The following FRK variants were observed in gnomAD, a reference collection of about 807,000 sequenced individuals.
FRK encodes the protein fyn related Src family tyrosine kinase, also known as tyrosine-protein kinase FRK.
A neutral mutation model predicts 56.4 loss-of-function variants in FRK; 51 were observed. The ratio of observed to expected loss-of-function variants is 0.90; its 90% CI spans 0.72 to 1.14. The LOEUF (loss-of-function observed/expected upper bound fraction) is 1.14, where lower values mean the gene tolerates loss of function less well. Among genes scored for constraint, FRK ranks in the 50% most tolerant of loss-of-function variants. The pLI, the probability that FRK is intolerant of heterozygous loss-of-function variation, is 0.00. For synonymous variants in FRK, 245 were observed against 217.9 expected, an observed-to-expected ratio of 1.12 and a Z score of -1.10; for missense variants, 570 against 601.4, an observed-to-expected ratio of 0.95 and a Z score of 0.55.
chr6:116,044,888 T>C (rs1776877121), intron 1 of FRK, among the ~76,000 whole-genome samples: 1 of 152,024 alleles, frequency 6.6e-6, no homozygotes, highest in Non-Finnish European at 1.5e-5. Flanking sequence ...CAGCAAAGTG[T>C]CAATACAAAA....
chr6:116,039,943 T>TGTG (rs1776650472), intron 1 of FRK, among the ~76,000 whole-genome samples: 1 of 105,794 alleles, frequency 9.5e-6, no homozygotes, highest in Non-Finnish European at 2.0e-5. Context: ...CACCTGGCAC[T>TGTG]AAAAAAAAAA....
intron 4 of FRK, among the ~76,000 whole-genome samples, chr6:115,965,878 T>C (rs1773543732): frequency 1.3e-5 from 1 of 74,652 alleles, no homozygotes; most frequent in Admixed American, 1.5e-4. Flanking sequence ...GGAAGGGGAA[T>C]ATCACACTCT....
rs141923974 is a variant in FRK, at chr6:115,970,863, T to G, written c.467-2124A>C. Among the ~76,000 whole-genome samples, 49 of 152,294 alleles carry G rather than the reference T, an allele frequency of 3.2e-4. 1 individual carries two copies. In the East Asian group the frequency reaches 6.8e-3, roughly 21 times the overall value. On this transcript the variant is annotated intron_variant, in intron 2 of 7. Coordinates refer to ENST00000606080, the MANE Select transcript of FRK (RefSeq NM_002031.3). ...AGAAGGTCAAGGCTGCAGAGAGTTATGATCGATTGTGCCACTATACTCAAG... is the reference window on the plus strand; with the variant it reads ...AGAAGGTCAAGGCTGCAGAGAGTTAGGATCGATTGTGCCACTATACTCAAG...
chr6:116,078,045 A>C, the FRK span, among the ~76,000 whole-genome samples: 3 of 152,202 alleles, frequency 2.0e-5, no homozygotes, highest in African/African-American at 7.2e-5. Flanking sequence ...CTGTAATCCC[A>C]GCTACTCTGG....
intron 1 of FRK, among the ~76,000 whole-genome samples, chr6:116,036,445 T>C (rs1355226300): frequency 4.6e-5 from 7 of 152,180 alleles, no homozygotes; most frequent in Admixed American, 4.6e-4. Flanking sequence ...AATATAATGT[T>C]ACATTGATAA....
intron 1 of FRK, among the ~76,000 whole-genome samples, chr6:116,037,994 G>A (rs547175313): frequency 2.0e-5 from 3 of 152,280 alleles, no homozygotes; most frequent in African/African-American, 7.2e-5. Context: ...GAAAGCACAG[G>A]GAGCTTGTGT....
At chr6:116,040,830 T>G (rs933252080) in intron 1 of FRK, among the ~76,000 whole-genome samples, 2 of 152,162 alleles carry the variant, frequency 1.3e-5, no homozygotes, top group African/African-American at 4.8e-5. Flanking sequence ...TTAATTATTA[T>G]GCTTTAGAAC....
intron 5 of FRK, among the ~76,000 whole-genome samples, chr6:115,951,479 GC>G (rs1232977140): frequency 6.6e-6 from 1 of 152,050 alleles, no homozygotes; most frequent in African/African-American, 2.4e-5. Flanking sequence ...GGAAAAACAA[GC>G]CAAACTAAAC....
intron 2 of FRK, among the ~76,000 whole-genome samples, chr6:115,973,872 G>GAAAAAAAAAAA (rs34745163): frequency 7.3e-6 from 1 of 137,612 alleles, no homozygotes. Context: ...CACAGTCTCA[G>GAAAAAAAAAAA]AAAAAAAAAA....
chr6:116,001,312 C>A (rs1020848545), intron 2 of FRK, among the ~76,000 whole-genome samples: 4 of 151,658 alleles, frequency 2.6e-5, no homozygotes, highest in Non-Finnish European at 5.9e-5. Flanking sequence ...CATGCACACA[C>A]ATATGTATAT....
intron 2 of FRK, among the ~76,000 whole-genome samples, chr6:115,980,918 C>G (rs1471405623): frequency 6.6e-6 from 1 of 152,090 alleles, no homozygotes; most frequent in Non-Finnish European, 1.5e-5. Context: ...GTTAGAGACT[C>G]AGCATGATCT....
At chr6:116,011,667 G>C (rs1052037443) in intron 1 of FRK, among the ~76,000 whole-genome samples, 1 of 152,128 alleles carries the variant, frequency 6.6e-6, no homozygotes, top group Non-Finnish European at 1.5e-5. Context: ...AATGTGACTT[G>C]GCAGGCATCG....
the FRK span, among the ~76,000 whole-genome samples, chr6:116,091,539 C>A: frequency 2.2e-3 from 331 of 152,264 alleles, 1 homozygote; most frequent in Admixed American, 4.6e-3. Flanking sequence ...AAGAACCCAC[C>A]GGAAGGAACC....
rs1772028278 is a variant in FRK, at chr6:115,935,497, G to A, written c.*6917C>T. The A allele has an allele frequency of 6.5e-6, 1 of 152,826 alleles. No individual in the cohort carries two copies. Among genetic ancestry groups the A allele is most frequent in the African/African-American group, 2.4e-5 (1 of 41,454 alleles). 9.5% of individuals were successfully genotyped at this position (152,826 alleles called of 1,614,324 possible). On this transcript the variant is annotated 3_prime_UTR_variant, in exon 8 of 8. Coordinates refer to ENST00000606080, the MANE Select transcript of FRK (RefSeq NM_002031.3). The stretch of plus-strand genomic sequence containing the variant: ...TGGTGCCTGGAATGCCAGCAAGGCA[G>A]AACCATTCACTCCCCTGGAAGGGGG...
At chr6:115,999,436 C>A (rs759254790) in intron 2 of FRK, among the ~76,000 whole-genome samples, 1 of 152,154 alleles carries the variant, frequency 6.6e-6, no homozygotes, top group Non-Finnish European at 1.5e-5. Flanking sequence ...GACAGCCGTG[C>A]AGGGATCACA....
At chr6:116,071,688 A>AG in the FRK span, among the ~76,000 whole-genome samples, 1 of 152,180 alleles carries the variant, frequency 6.6e-6, no homozygotes, top group South Asian at 2.1e-4. Flanking sequence ...TTATTTCAGT[A>AG]GTCCTTGAGG....
intron 2 of FRK, among the ~76,000 whole-genome samples, chr6:115,982,417 T>C (rs1395634024): frequency 6.6e-6 from 1 of 152,172 alleles, no homozygotes; most frequent in Non-Finnish European, 1.5e-5. Context: ...AATTTCCACA[T>C]ATATATACTT....
chr6:115,971,909 G>T (rs1413684322), intron 2 of FRK, among the ~76,000 whole-genome samples: 2 of 152,174 alleles, frequency 1.3e-5, no homozygotes, highest in African/African-American at 2.4e-5. Context: ...ACTAAGAGCA[G>T]AGAGAAGAGG....
rs560257293 is a variant in FRK at position 116,001,595 on chromosome 6, T to G, written c.466+2282A>C. ...ATCATGACTCAGCTGTATCAACCAA[T>G]CAGGACTCAACTTTGACAAACAATC... On this transcript the variant is annotated intron_variant, in intron 2 of 7. Transcript: ENST00000606080. Among the ~76,000 whole-genome samples the G allele has an allele frequency of 2.0e-5, 3 of 152,274 alleles. No individual in the cohort carries two copies. The East Asian group carries it at 5.8e-4, about 29-fold the overall frequency.
Sources: allele counts gnomAD v4.1 joint callset (sites outside exome capture counted in the v4.1 genomes callset), GRCh38; gene constraint gnomAD v4.1.1; transcripts MANE v1.5; gene names NCBI Gene and HGNC (gene_info 2026-07-23, HGNC 2026-07-21).